The following PRKN variants were observed in gnomAD, a reference collection of about 807,000 sequenced individuals.
PRKN encodes the protein parkin RBR E3 ubiquitin protein ligase.
PRKN carries 56 observed loss-of-function variants against 59.5 expected under a neutral mutation model. That is an observed-to-expected ratio of 0.94 (90% CI 0.76 to 1.18). The LOEUF (loss-of-function observed/expected upper bound fraction) is 1.18, where lower values mean the gene tolerates loss of function less well. PRKN is among the 50% of genes most tolerant of loss of function. PRKN has a pLI of 0.00. For missense variants in PRKN, 657 were observed against 596.4 expected (o/e 1.10, Z -1.06); for synonymous variants, 250 against 222.1 (o/e 1.13, Z -1.12).
chr6:161,601,716 G>A (rs1458765506), intron 7 of PRKN, among the ~76,000 whole-genome samples: 1 of 151,740 alleles, frequency 6.6e-6, no homozygotes, highest in Non-Finnish European at 1.5e-5. Context: ...CCGAGTAGCT[G>A]GGATTACAGG....
chr6:162,072,418 T>C (rs112364023), intron 4 of PRKN, among the ~76,000 whole-genome samples: 29 of 152,200 alleles, frequency 1.9e-4, no homozygotes, highest in African/African-American at 5.8e-4. Flanking sequence ...CAGTAGGTTT[T>C]GCGGGAAGAA....
chr6:162,657,032 T>G (rs1778669653), intron 1 of PRKN, among the ~76,000 whole-genome samples: 1 of 152,246 alleles, frequency 6.6e-6, no homozygotes, highest in Non-Finnish European at 1.5e-5. Context: ...GCCATAAGTT[T>G]AATTTTACTG....
At chr6:162,378,260 A>T (rs1356374596) in intron 2 of PRKN, among the ~76,000 whole-genome samples, 1 of 152,250 alleles carries the variant, frequency 6.6e-6, no homozygotes, top group Non-Finnish European at 1.5e-5. Context: ...TAAGTGAAAC[A>T]ATTTATTTGG....
intron 7 of PRKN, among the ~76,000 whole-genome samples, chr6:161,635,556 T>C (rs186125523): frequency 2.0e-5 from 3 of 152,356 alleles, no homozygotes; most frequent in Admixed American, 6.5e-5. Context: ...CATTTTTCAA[T>C]AATTTGCCAT....
intron 7 of PRKN, among the ~76,000 whole-genome samples, chr6:161,659,284 T>C (rs745334009): frequency 6.6e-6 from 1 of 152,172 alleles, no homozygotes; most frequent in Non-Finnish European, 1.5e-5. Context: ...CAAAATTAAT[T>C]ATATATAATT....
At chr6:162,608,457 G>A (rs537734204) in intron 1 of PRKN, among the ~76,000 whole-genome samples, 2 of 152,130 alleles carry the variant, frequency 1.3e-5, no homozygotes, top group Non-Finnish European at 2.9e-5. Context: ...GGAGAGGTTC[G>A]AGTATAGACA....
chr6:162,306,722 G>A (rs1583349210), intron 2 of PRKN, among the ~76,000 whole-genome samples: 1 of 152,256 alleles, frequency 6.6e-6, no homozygotes, highest in East Asian at 1.9e-4. Flanking sequence ...GACAATCTCT[G>A]ACTTCAAGGG....
chr6:161,489,521 C>G (rs1453461037), intron 9 of PRKN, among the ~76,000 whole-genome samples: 1 of 152,176 alleles, frequency 6.6e-6, no homozygotes, highest in East Asian at 1.9e-4. Context: ...GATGGCGCCA[C>G]TTCACTCCAG....
rs554888950 is a variant in PRKN at position 162,342,630 on chromosome 6, T to C, written c.172-79865A>G. Reference sequence around the variant, plus strand: ...AGTGTCTACTATGCACCATGCAGTGTGCTAGGGAGGGAAGAATCATTTACT... The same window carrying C: ...AGTGTCTACTATGCACCATGCAGTGCGCTAGGGAGGGAAGAATCATTTACT... On this transcript the variant is annotated intron_variant, in intron 2 of 11. Transcript: ENST00000366898. 5.2e-4 allele frequency among the ~76,000 whole-genome samples: 79 copies of C among 152,232 alleles called. 1 individual carries two copies. Among genetic ancestry groups the C allele is most frequent in the Middle Eastern group, 3.4e-3 (1 of 294 alleles).
intron 8 of PRKN, among the ~76,000 whole-genome samples, chr6:161,558,142 G>T (rs962601593): frequency 6.6e-6 from 1 of 152,182 alleles, no homozygotes; most frequent in Non-Finnish European, 1.5e-5. Context: ...CCACAAAGAA[G>T]TGCCATCTTT....
chr6:162,641,098 T>C (rs528301126), intron 1 of PRKN, among the ~76,000 whole-genome samples: 9 of 152,092 alleles, frequency 5.9e-5, no homozygotes, highest in Non-Finnish European at 2.9e-5. Context: ...GTACACTCTA[T>C]AAAATATTTA....
chr6:162,678,618 A>C (rs972476278), intron 1 of PRKN, among the ~76,000 whole-genome samples: 1 of 152,126 alleles, frequency 6.6e-6, no homozygotes, highest in Admixed American at 6.6e-5. Context: ...AACTGTTCAG[A>C]TCTATTGTCT....
intron 4 of PRKN, among the ~76,000 whole-genome samples, chr6:162,075,218 T>C (rs1778769621): frequency 6.6e-6 from 1 of 152,192 alleles, no homozygotes; most frequent in African/African-American, 2.4e-5. Flanking sequence ...TTGAATAATA[T>C]TTATCATCAT....
intron 7 of PRKN, among the ~76,000 whole-genome samples, chr6:161,605,081 A>T (rs572748519): frequency 6.6e-6 from 1 of 152,336 alleles, no homozygotes; most frequent in African/African-American, 2.4e-5. Context: ...ATTCTATTTT[A>T]TTCTATATTT....
chr6:161,875,886 G>A (rs568274887), intron 6 of PRKN, among the ~76,000 whole-genome samples: 1 of 152,190 alleles, frequency 6.6e-6, no homozygotes, highest in Admixed American at 6.5e-5. Flanking sequence ...CATGCAGGAT[G>A]TTACCAGATG....
At position 161,371,354 on chromosome 6, in the gene PRKN, G is replaced by A. The variant is rs566835765; in HGVS notation, c.1168-11149C>T. Among the ~76,000 whole-genome samples the A allele has an allele frequency of 2.6e-5, 4 of 151,928 alleles. No homozygotes were observed. The East Asian group carries it at 5.9e-4, about 22-fold the overall frequency. ...TACTTGGGAGGCTGAGGGAGGAGACGGAGTTTCACCATGTTGGCCAGGCTA... is the reference window on the plus strand; with the variant it reads ...TACTTGGGAGGCTGAGGGAGGAGACAGAGTTTCACCATGTTGGCCAGGCTA... On this transcript the variant is annotated intron_variant, in intron 10 of 11. Coordinates refer to ENST00000366898, the MANE Select transcript of PRKN (RefSeq NM_004562.3). This position sits in a 1 kb window ranked among gnomAD's most constrained non-coding sequence, Gnocchi z 5.5.
intron 9 of PRKN, among the ~76,000 whole-genome samples, chr6:161,464,439 T>G (rs9458272): frequency 0.25 from 37,958 of 152,154 alleles, 8,306 homozygotes; most frequent in African/African-American, 0.6. Context: ...ACTTCATCTA[T>G]ATATCATTTA....
intron 4 of PRKN, among the ~76,000 whole-genome samples, chr6:162,179,492 G>A (rs1266080368): frequency 6.6e-6 from 1 of 152,126 alleles, no homozygotes; most frequent in Non-Finnish European, 1.5e-5. Flanking sequence ...CCCAGTCTGT[G>A]GGGCCTTCCC....
chr6:162,254,941 C>T (rs997592928), intron 3 of PRKN, among the ~76,000 whole-genome samples: 1 of 151,898 alleles, frequency 6.6e-6, no homozygotes, highest in Non-Finnish European at 1.5e-5. Flanking sequence ...TGTAACACTC[C>T]AGAAAAACAG....
Sources: gnomAD v4.1 joint callset for allele counts (sites outside exome capture counted in the v4.1 genomes callset) on GRCh38, gnomAD v4.1.1 for gene constraint, Gnocchi (gnomAD v3.1) non-coding constraint, MANE v1.5 for transcripts, NCBI Gene and HGNC (gene_info 2026-07-23, HGNC 2026-07-21) for gene names.